The following MEI4 variants were observed in gnomAD, a reference collection of about 807,000 sequenced individuals.
The protein encoded by MEI4 is meiosis-specific protein MEI4.
MEI4 carries 27 observed loss-of-function variants against 31.4 expected under a neutral mutation model. That is an observed-to-expected ratio of 0.86 (90% CI 0.63 to 1.19). MEI4 has a LOEUF of 1.19. MEI4 is among the 50% of genes most tolerant of loss of function. The probability of loss-of-function intolerance (pLI) is 0.00; values close to 1 mark genes in which losing one functional copy is unlikely to be tolerated. For synonymous variants in MEI4, 122 were observed against 145.4 expected (o/e 0.84, Z 1.16); for missense variants, 329 against 398.9 (o/e 0.82, Z 1.49).
intron 3 of MEI4, among the ~76,000 whole-genome samples, chr6:77,771,180 G>GAA (rs1319729467): frequency 6.6e-6 from 1 of 151,898 alleles, no homozygotes. Context: ...ACAAGCATAT[G>GAA]AAAAAAATGC....
chr6:77,911,376 C>A (rs1160833409), intron 4 of MEI4, among the ~76,000 whole-genome samples: 1 of 151,912 alleles, frequency 6.6e-6, no homozygotes, highest in African/African-American at 2.4e-5. Flanking sequence ...TGTGTCACTG[C>A]AGTTTGGTAT....
chr6:77,904,812 A>G (rs747619360), intron 4 of MEI4, among the ~76,000 whole-genome samples: 2 of 151,960 alleles, frequency 1.3e-5, no homozygotes, highest in Non-Finnish European at 2.9e-5. Flanking sequence ...CCCACATTTT[A>G]TGTTTTCAGT....
chr6:77,766,810 A>G (rs949531835), intron 3 of MEI4, among the ~76,000 whole-genome samples: 1 of 152,162 alleles, frequency 6.6e-6, no homozygotes, highest in East Asian at 1.9e-4. Flanking sequence ...AATTGTATTG[A>G]CCAGTAAAAT....
chr6:77,813,502 CTT>C (rs35823691), intron 3 of MEI4, among the ~76,000 whole-genome samples: 62 of 146,212 alleles, frequency 4.2e-4, no homozygotes, highest in African/African-American at 1.5e-3. Flanking sequence ...TCAGGACATT[CTT>C]TTTTTTTTTT....
chr6:77,855,241 AGGC>A (rs1340084724), intron 4 of MEI4, among the ~76,000 whole-genome samples: 1 of 152,126 alleles, frequency 6.6e-6, no homozygotes, highest in Non-Finnish European at 1.5e-5. Flanking sequence ...GATATTCAGG[AGGC>A]TGAAGCAGGA....
chr6:77,708,668 A>AT (rs1022375704), intron 2 of MEI4, among the ~76,000 whole-genome samples: 2 of 152,162 alleles, frequency 1.3e-5, no homozygotes, highest in African/African-American at 4.8e-5. Context: ...ATGGTAGCAG[A>AT]TCCCTCATGA....
At chr6:77,844,081 T>G (rs1770423768) in intron 4 of MEI4, among the ~76,000 whole-genome samples, 1 of 152,112 alleles carries the variant, frequency 6.6e-6, no homozygotes, top group African/African-American at 2.4e-5. Context: ...ATGAAGTTTA[T>G]GAGTAGTCTT....
chr6:77,753,485 C>T (rs1045345744), intron 2 of MEI4, among the ~76,000 whole-genome samples: 1 of 152,104 alleles, frequency 6.6e-6, no homozygotes, highest in Non-Finnish European at 1.5e-5. Flanking sequence ...ATGCAGCCAA[C>T]AAACGTATGA....
intron 4 of MEI4, among the ~76,000 whole-genome samples, chr6:77,830,033 A>G (rs531622676): frequency 1.3e-5 from 2 of 152,208 alleles, no homozygotes; most frequent in Admixed American, 1.3e-4. Flanking sequence ...ATCAAGGAGT[A>G]AAAAGTAAGC....
At chr6:77,699,270 A>T (rs1766144779) in intron 2 of MEI4, among the ~76,000 whole-genome samples, 1 of 147,624 alleles carries the variant, frequency 6.8e-6, no homozygotes, top group South Asian at 2.2e-4. Context: ...GCTCACTGCA[A>T]GCTCGGCCTC....
chr6:77,791,985 T>C (rs1003715593), intron 3 of MEI4, among the ~76,000 whole-genome samples: 1 of 152,220 alleles, frequency 6.6e-6, no homozygotes, highest in Admixed American at 6.5e-5. Flanking sequence ...ACCATAGTAC[T>C]CTTTACTGCT....
chr6:77,807,136 G>A (rs987454873), intron 3 of MEI4, among the ~76,000 whole-genome samples: 3 of 139,042 alleles, frequency 2.2e-5, no homozygotes, highest in South Asian at 2.2e-4. Context: ...GGAAATAGGT[G>A]TGCTTCATAA....
intron 1 of MEI4, among the ~76,000 whole-genome samples, chr6:77,667,879 G>GT (rs1374820250): frequency 6.6e-6 from 1 of 151,862 alleles, no homozygotes; most frequent in Non-Finnish European, 1.5e-5. Context: ...TCCACAGGCA[G>GT]TGGAGAAAAG....
At chr6:77,693,853 A>G (rs2127653202) in intron 2 of MEI4, among the ~76,000 whole-genome samples, 1 of 152,136 alleles carries the variant, frequency 6.6e-6, no homozygotes, top group African/African-American at 2.4e-5. Flanking sequence ...ATTATTACAT[A>G]TTTTTTCTAG....
At chr6:77,856,237 A>C (rs7758364) in intron 4 of MEI4, among the ~76,000 whole-genome samples, 21,311 of 152,016 alleles carry the variant, frequency 0.14, 1,775 homozygotes, top group East Asian at 0.39. Context: ...GTGTACACTT[A>C]AGTACATTAT....
At chr6:77,871,902 C>A (rs1411644381) in intron 4 of MEI4, among the ~76,000 whole-genome samples, 3 of 151,946 alleles carry the variant, frequency 2.0e-5, no homozygotes, top group Non-Finnish European at 4.4e-5. Context: ...TCCTAGATAC[C>A]ATTAGGACAT....
intron 2 of MEI4, among the ~76,000 whole-genome samples, chr6:77,722,858 AC>A (rs1766743356): frequency 7.8e-6 from 1 of 128,660 alleles, no homozygotes; most frequent in East Asian, 2.2e-4. Context: ...GTGTCTACCA[AC>A]CCTTCAAACT....
chr6:77,875,877 A>G (rs9448240), intron 4 of MEI4, among the ~76,000 whole-genome samples: 58,836 of 151,912 alleles, frequency 0.39, 12,364 homozygotes, highest in African/African-American at 0.57. Context: ...TCACGGGATT[A>G]CTGAGTTGAA....
intron 4 of MEI4, among the ~76,000 whole-genome samples, chr6:77,922,878 G>T (rs1249849979): frequency 6.6e-6 from 1 of 151,666 alleles, no homozygotes; most frequent in East Asian, 1.9e-4. Flanking sequence ...TCATGAAACA[G>T]CAAGAAAGAA....
Sources: gnomAD v4.1 joint callset for allele counts (sites outside exome capture counted in the v4.1 genomes callset) on GRCh38, gnomAD v4.1.1 for gene constraint, MANE v1.5 for transcripts, NCBI Gene and HGNC (gene_info 2026-07-23, HGNC 2026-07-21) for gene names.